The following SLC14A2 variants were observed in gnomAD, a reference collection of about 807,000 sequenced individuals.
The protein encoded by SLC14A2 is solute carrier family 14 member 2.
A neutral mutation model predicts 104.6 loss-of-function variants in SLC14A2; 91 were observed. The observed-to-expected ratio is 0.87, with a 90% CI of 0.73 to 1.04. The LOEUF is 1.04. SLC14A2 is among the 50% of genes least tolerant of loss of function. The pLI is 0.00. For synonymous variants in SLC14A2, 476 were observed against 466.4 expected, an observed-to-expected ratio of 1.02 and a Z score of -0.27; for missense variants, 1,189 against 1,156.0, an observed-to-expected ratio of 1.03 and a Z score of -0.41.
At chr18:45,553,979 AT>A (rs986304573) in intron 2 of SLC14A2, among the ~76,000 whole-genome samples, 6 of 152,352 alleles carry the variant, frequency 3.9e-5, no homozygotes, top group African/African-American at 1.4e-4. Context: ...ATCATTCCAA[AT>A]GAACTCATGT....
intron 1 of SLC14A2, among the ~76,000 whole-genome samples, chr18:45,375,170 C>T (rs1229483222): frequency 6.6e-6 from 1 of 152,182 alleles, no homozygotes; most frequent in African/African-American, 2.4e-5. Flanking sequence ...AAAACAAAGA[C>T]AATAACAGTC....
intron 1 of SLC14A2, among the ~76,000 whole-genome samples, chr18:45,450,005 G>T (rs949493999): frequency 6.6e-6 from 1 of 152,208 alleles, no homozygotes; most frequent in African/African-American, 2.4e-5. Flanking sequence ...TCGGTCCCAT[G>T]AACCATCTGC....
chr18:45,424,505 G>T (rs1220088193), intron 1 of SLC14A2, among the ~76,000 whole-genome samples: 1 of 152,216 alleles, frequency 6.6e-6, no homozygotes, highest in African/African-American at 2.4e-5. Context: ...AGGCCCAGGG[G>T]CTTCCCATCA....
At chr18:45,298,332 C>A (rs1281398542) in intron 1 of SLC14A2, among the ~76,000 whole-genome samples, 1 of 152,146 alleles carries the variant, frequency 6.6e-6, no homozygotes, top group Non-Finnish European at 1.5e-5. Context: ...ATGAAATACC[C>A]ATTTATTTTA....
chr18:45,514,203 C>T (rs760418478), intron 2 of SLC14A2, among the ~76,000 whole-genome samples: 4 of 152,126 alleles, frequency 2.6e-5, no homozygotes, highest in Admixed American at 1.3e-4. Flanking sequence ...TTCTGCAGGC[C>T]GTACAGGCTT....
chr18:45,528,524 A>C (rs971349777), intron 2 of SLC14A2: 1 of 151,928 alleles, frequency 6.6e-6, no homozygotes, highest in African/African-American at 2.4e-5. Flanking sequence ...TTACTTCATG[A>C]ATTAATTATG....
At chr18:45,575,361 G>T (rs1466141005) in intron 2 of SLC14A2, among the ~76,000 whole-genome samples, 1 of 152,128 alleles carries the variant, frequency 6.6e-6, no homozygotes, top group Non-Finnish European at 1.5e-5. Context: ...CTAAATCAAA[G>T]CTGCCAGCCT....
intron 1 of SLC14A2, among the ~76,000 whole-genome samples, chr18:45,480,677 C>A (rs1360766080): frequency 6.6e-6 from 1 of 152,204 alleles, no homozygotes; most frequent in Non-Finnish European, 1.5e-5. Context: ...AACTCATGCC[C>A]ACTGCCACCT....
At chr18:45,419,792 T>C (rs1307353553) in intron 1 of SLC14A2, among the ~76,000 whole-genome samples, 2 of 149,128 alleles carry the variant, frequency 1.3e-5, no homozygotes, top group Non-Finnish European at 3.0e-5. Flanking sequence ...AAAAAAAATC[T>C]CCAGTTTTAT....
intron 1 of SLC14A2, among the ~76,000 whole-genome samples, chr18:45,378,646 A>G (rs1218185193): frequency 6.6e-6 from 1 of 152,198 alleles, no homozygotes; most frequent in East Asian, 1.9e-4. Context: ...TCCTGCTGTC[A>G]TGTTTAAGGT....
At chr18:45,597,709 G>A (rs1468926391) in intron 2 of SLC14A2, among the ~76,000 whole-genome samples, 4 of 152,164 alleles carry the variant, frequency 2.6e-5, no homozygotes, top group Non-Finnish European at 4.4e-5. Flanking sequence ...TCAAAGGAAC[G>A]CTTAGGCTGC....
chr18:45,215,162 A>C (rs1238209251), intron 1 of SLC14A2, among the ~76,000 whole-genome samples: 2 of 152,172 alleles, frequency 1.3e-5, no homozygotes, highest in Non-Finnish European at 2.9e-5. Context: ...TGCCAGGAAA[A>C]AAATGCCTGT....
intron 1 of SLC14A2, among the ~76,000 whole-genome samples, chr18:45,369,618 T>A (rs2085701661): frequency 6.6e-6 from 1 of 152,236 alleles, no homozygotes; most frequent in African/African-American, 2.4e-5. Flanking sequence ...TTCATTTAAT[T>A]TCTTTTAATA....
chr18:45,400,553 T>C (rs2086084901), intron 1 of SLC14A2, among the ~76,000 whole-genome samples: 1 of 152,224 alleles, frequency 6.6e-6, no homozygotes, highest in Non-Finnish European at 1.5e-5. Flanking sequence ...AAAGTTAATT[T>C]TCCCCTTTGC....
At chr18:45,336,596 C>T (rs1441045021) in intron 1 of SLC14A2, among the ~76,000 whole-genome samples, 1 of 152,152 alleles carries the variant, frequency 6.6e-6, no homozygotes, top group East Asian at 1.9e-4. Flanking sequence ...GTTACCTCAT[C>T]GCCAACAGAG....
chr18:45,487,049 G>A (rs2087620799), intron 2 of SLC14A2, among the ~76,000 whole-genome samples: 1 of 152,204 alleles, frequency 6.6e-6, no homozygotes, highest in Non-Finnish European at 1.5e-5. Context: ...GTGGCTTAAA[G>A]CAACACAAAT....
chr18:45,331,534 A>G (rs2085290217), intron 1 of SLC14A2, among the ~76,000 whole-genome samples: 1 of 151,506 alleles, frequency 6.6e-6, no homozygotes, highest in Admixed American at 6.6e-5. Flanking sequence ...ACTAAAAATA[A>G]AAAAAAATTA....
chr18:45,333,815 T>TTA (rs763470028), intron 1 of SLC14A2, among the ~76,000 whole-genome samples: 1 of 152,230 alleles, frequency 6.6e-6, no homozygotes, highest in Non-Finnish European at 1.5e-5. Context: ...AAGTGTTTAT[T>TTA]GAGTGCCAAG....
At chr18:45,356,655 G>A (rs372331808) in intron 1 of SLC14A2, among the ~76,000 whole-genome samples, 59 of 152,322 alleles carry the variant, frequency 3.9e-4, no homozygotes, top group African/African-American at 1.4e-3. Flanking sequence ...CAAGATATGG[G>A]TTAGGAACAA....
Sources: gnomAD v4.1 joint callset for allele counts (sites outside exome capture counted in the v4.1 genomes callset) on GRCh38, gnomAD v4.1.1 for gene constraint, MANE v1.5 for transcripts, NCBI Gene and HGNC (gene_info 2026-07-23, HGNC 2026-07-21) for gene names.